The following ETV6 variants were observed in gnomAD, a reference collection of about 807,000 sequenced individuals.
The protein encoded by ETV6 is transcription factor ETV6.
ETV6 carries 16 observed loss-of-function variants against 51.1 expected under a neutral mutation model. That is an observed-to-expected ratio of 0.31 (90% CI 0.21 to 0.48). The LOEUF (loss-of-function observed/expected upper bound fraction) is 0.48, where lower values mean the gene tolerates loss of function less well. Among genes scored for constraint, ETV6 ranks in the 20% least tolerant of loss-of-function variants. ETV6 has a pLI of 0.99. For missense variants in ETV6, 458 were observed against 594.8 expected (o/e 0.77, Z 2.39); for synonymous variants, 240 against 224.1 (o/e 1.07, Z -0.64).
In ETV6 at chr12:11,894,615, T is replaced by G. The variant is rs759235023; in HGVS notation, c.*3569T>G. ...CTCTTGTCCAAATGAGAATGTCGCT[T>G]TAGCTGAAATTCAAATGGCTGTGAC... On this transcript the variant is annotated 3_prime_UTR_variant, in exon 8 of 8. Coordinates refer to ENST00000396373, the MANE Select transcript of ETV6 (RefSeq NM_001987.5). 2.1e-5 allele frequency: 5 copies of G among 233,170 alleles called. No individual in the cohort carries two copies. Among genetic ancestry groups the G allele is most frequent in the Non-Finnish European group, 4.2e-5 (5 of 118,042 alleles). 14.4% of individuals were successfully genotyped at this position (233,170 alleles called of 1,614,324 possible). A position where few individuals can be genotyped will look rare whatever the true frequency, so the allele number is the denominator to read the frequency against.
chr12:11,731,251 C>T (rs1865591161), intron 1 of ETV6, among the ~76,000 whole-genome samples: 1 of 152,168 alleles, frequency 6.6e-6, no homozygotes, highest in African/African-American at 2.4e-5. Context: ...GTTGCATTGT[C>T]AGCACCTAAC....
At chr12:11,789,653 T>G (rs1041990263) in intron 2 of ETV6, among the ~76,000 whole-genome samples, 1 of 152,198 alleles carries the variant, frequency 6.6e-6, no homozygotes, top group Admixed American at 6.5e-5. Context: ...TTCCTCATAC[T>G]TGATAGATTA....
intron 1 of ETV6, chr12:11,751,924 T>C (rs1169911284): frequency 6.7e-6 from 3 of 446,308 alleles, no homozygotes; most frequent in Non-Finnish European, 1.3e-5. Flanking sequence ...ATCTTCCTTG[T>C]GGATTGAAGT....
rs1419515880 is a variant in ETV6, at chr12:11,892,565, T to C, written c.*1519T>C. On this transcript the variant is annotated 3_prime_UTR_variant, in exon 8 of 8. Transcript: ENST00000396373. ...ACTCTTCCAATATAGGTCTCAGAAATCCAATATTTGGAGTACAATTTCTTT... is the reference window on the plus strand; with the variant it reads ...ACTCTTCCAATATAGGTCTCAGAAACCCAATATTTGGAGTACAATTTCTTT... The C allele has an allele frequency of 8.6e-6, 2 of 232,354 alleles. No homozygotes were observed. Among genetic ancestry groups the C allele is most frequent in the Admixed American group, 5.6e-5 (1 of 17,712 alleles). The allele number at this position is 232,354 out of a possible 1,614,324, so 14.4% of individuals were successfully genotyped here.
chr12:11,720,574 TAACTC>T (rs780550972), intron 1 of ETV6, among the ~76,000 whole-genome samples: 21 of 152,220 alleles, frequency 1.4e-4, no homozygotes, highest in Middle Eastern at 3.4e-3. Context: ...ATACAAAAAT[TAACTC>T]AAGATGGATT....
At chr12:11,853,959 G>A (rs1441055199) in intron 4 of ETV6, among the ~76,000 whole-genome samples, 1 of 152,150 alleles carries the variant, frequency 6.6e-6, no homozygotes, top group African/African-American at 2.4e-5. Flanking sequence ...GTGGAGGTGA[G>A]GGATGGTTTG....
intron 7 of ETV6, among the ~76,000 whole-genome samples, chr12:11,887,683 G>T (rs1013100683): frequency 2.0e-5 from 3 of 151,372 alleles, no homozygotes; most frequent in Non-Finnish European, 2.9e-5. Context: ...GGGAGGCAGA[G>T]GTTGCAGTGA....
At chr12:11,787,985 A>G (rs1945514397) in intron 2 of ETV6, among the ~76,000 whole-genome samples, 1 of 152,222 alleles carries the variant, frequency 6.6e-6, no homozygotes, top group Non-Finnish European at 1.5e-5. Flanking sequence ...TATTACTGGA[A>G]AAAAGTACAT....
At chr12:11,774,360 T>C (rs1436399571) in intron 2 of ETV6, among the ~76,000 whole-genome samples, 1 of 151,852 alleles carries the variant, frequency 6.6e-6, no homozygotes, top group Non-Finnish European at 1.5e-5. Context: ...CGCAAGAGAG[T>C]CTGCAGTTAG....
Position 11,708,671 on chromosome 12 carries a change from G to A in ETV6, c.34-43779G>A, listed in dbSNP as rs117623760. On this transcript the variant is annotated intron_variant, in intron 1 of 7. Coordinates refer to ENST00000396373, the MANE Select transcript of ETV6 (RefSeq NM_001987.5). ...AGGAATCGTATATGTACCCTGCCTC[G>A]CTTCTGACCTCTCAAGTCAACTTTT... Among the ~76,000 whole-genome samples, 567 of 152,238 alleles carry A rather than the reference G, an allele frequency of 3.7e-3. 2 individuals carry two copies. The highest frequency in any genetic ancestry group is 5.9e-3 in the Non-Finnish European group (402 of 68,028).
In ETV6 at chr12:11,824,098, T is replaced by A. The variant is rs1209969227; in HGVS notation, c.164-15042T>A. On this transcript the variant is annotated intron_variant, in intron 2 of 7. Coordinates refer to ENST00000396373, the MANE Select transcript of ETV6 (RefSeq NM_001987.5). ...TGAGACACCAAAGGGGCTCTGTGTTTCCCAGCATGAAGTCTTCAGTGACAG... is the reference window on the plus strand; with the variant it reads ...TGAGACACCAAAGGGGCTCTGTGTTACCCAGCATGAAGTCTTCAGTGACAG... 3.9e-5 allele frequency among the ~76,000 whole-genome samples: 6 copies of A among 152,190 alleles called. No homozygotes were observed. The East Asian group carries it at 9.6e-4, about 24-fold the overall frequency.
intron 3 of ETV6, among the ~76,000 whole-genome samples, chr12:11,844,839 CT>C (rs1196875295): frequency 1.0e-3 from 148 of 142,432 alleles, no homozygotes; most frequent in Non-Finnish European, 9.4e-4. Flanking sequence ...TATTTCTTTT[CT>C]TTTTTTTTTT....
chr12:11,884,331 A>G (rs542348288), intron 5 of ETV6, 114 bp from the exon 6 acceptor site: 26 of 1,160,730 alleles, frequency 2.2e-5, no homozygotes, highest in Middle Eastern at 5.5e-4. Flanking sequence ...TAGTTAGACA[A>G]TCAGTCAACC....
chr12:11,876,020 T>C (rs1297776374), intron 5 of ETV6, among the ~76,000 whole-genome samples: 1 of 152,184 alleles, frequency 6.6e-6, no homozygotes, highest in East Asian at 1.9e-4. Flanking sequence ...CTTGGAATCA[T>C]AGGTGCAATG....
intron 2 of ETV6, among the ~76,000 whole-genome samples, chr12:11,810,601 T>C (rs1945899213): frequency 6.6e-6 from 1 of 152,224 alleles, no homozygotes; most frequent in African/African-American, 2.4e-5. Context: ...GAGATTCAAG[T>C]TGGCAAAATC....
intron 1 of ETV6, chr12:11,751,268 G>A (rs560254129): frequency 4.7e-5 from 24 of 506,870 alleles, no homozygotes; most frequent in Middle Eastern, 3.3e-4. Context: ...GATGTAAAAT[G>A]TTAAAGAACT....
chr12:11,813,041 G>T (rs1048001022), intron 2 of ETV6, among the ~76,000 whole-genome samples: 5 of 152,232 alleles, frequency 3.3e-5, no homozygotes, highest in African/African-American at 9.6e-5. Flanking sequence ...TGAGCCTTCA[G>T]TTCGCCGGGA....
At chr12:11,797,776 C>T (rs1945699734) in intron 2 of ETV6, among the ~76,000 whole-genome samples, 1 of 152,170 alleles carries the variant, frequency 6.6e-6, no homozygotes, top group African/African-American at 2.4e-5. Context: ...CATCTCACTG[C>T]AGCTAAAACC....
intron 2 of ETV6, among the ~76,000 whole-genome samples, chr12:11,758,543 A>G (rs1258706766): frequency 6.6e-6 from 1 of 152,184 alleles, no homozygotes; most frequent in Non-Finnish European, 1.5e-5. Context: ...CCAGGGGCTC[A>G]GTTTTGCTCT....
Sources: allele counts gnomAD v4.1 joint callset (sites outside exome capture counted in the v4.1 genomes callset), GRCh38; gene constraint gnomAD v4.1.1; transcripts MANE v1.5; gene names NCBI Gene and HGNC (gene_info 2026-07-23, HGNC 2026-07-21).